WWTR1: variants seen among roughly 807,000 people sequenced by gnomAD.
WWTR1 encodes WW domain-containing transcription regulator protein 1.
WWTR1 carries 13 observed loss-of-function variants against 40.1 expected under a neutral mutation model. That is an observed-to-expected ratio of 0.32 (90% CI 0.21 to 0.52). The LOEUF (loss-of-function observed/expected upper bound fraction) is 0.52, where lower values mean the gene tolerates loss of function less well. WWTR1 is among the 20% of genes least tolerant of loss of function. The probability of loss-of-function intolerance (pLI) is 0.97; values close to 1 mark genes in which losing one functional copy is unlikely to be tolerated. For missense variants in WWTR1, 436 were observed against 523.1 expected (o/e 0.83, Z 1.63); for synonymous variants, 230 against 210.1 (o/e 1.09, Z -0.82).
chr3:149,567,717 A>G (rs1737397976), intron 3 of WWTR1, among the ~76,000 whole-genome samples: 1 of 152,240 alleles, frequency 6.6e-6, no homozygotes, highest in Non-Finnish European at 1.5e-5. Context: ...CAAGACATGG[A>G]CTACCTAAAT....
At chr3:149,603,738 G>A (rs1484183136) in intron 2 of WWTR1, among the ~76,000 whole-genome samples, 1 of 149,858 alleles carries the variant, frequency 6.7e-6, no homozygotes, top group Admixed American at 6.8e-5. Flanking sequence ...AGTTTTCTTT[G>A]TTCATGTCCT....
chr3:149,529,097 T>G (rs905207477), intron 4 of WWTR1, among the ~76,000 whole-genome samples: 3 of 152,226 alleles, frequency 2.0e-5, no homozygotes, highest in Non-Finnish European at 4.4e-5. Context: ...CAGAGAATAC[T>G]TTTGTATGTT....
chr3:149,637,462 C>T (rs781365344), intron 2 of WWTR1, among the ~76,000 whole-genome samples: 2 of 152,016 alleles, frequency 1.3e-5, no homozygotes, highest in Non-Finnish European at 2.9e-5. Flanking sequence ...AACTCCTAAC[C>T]TCAGGTAATC....
intron 3 of WWTR1, among the ~76,000 whole-genome samples, chr3:149,563,740 T>C (rs1737187336): frequency 6.6e-6 from 1 of 152,210 alleles, no homozygotes; most frequent in Non-Finnish European, 1.5e-5. Context: ...CACAATTCTT[T>C]TTTTGTTTTG....
At chr3:149,542,302 G>A in intron 4 of WWTR1, 33 bp downstream of exon 4, 1 of 1,600,228 alleles carries the variant, frequency 6.2e-7, no homozygotes, top group Non-Finnish European at 8.5e-7. Flanking sequence ...CCAAGGCCAG[G>A]GAGCCTCCAC....
chr3:149,624,929 C>T (rs1217346745), intron 2 of WWTR1, among the ~76,000 whole-genome samples: 1 of 151,418 alleles, frequency 6.6e-6, no homozygotes, highest in Non-Finnish European at 1.5e-5. Flanking sequence ...TGGGGTTTCA[C>T]CATGTTGGCC....
At chr3:149,531,636 C>T (rs959820316) in intron 4 of WWTR1, among the ~76,000 whole-genome samples, 15 of 152,104 alleles carry the variant, frequency 9.9e-5, no homozygotes, top group South Asian at 8.3e-4. Context: ...CCTCACTTAA[C>T]GCCTGCCTCC....
intron 3 of WWTR1, among the ~76,000 whole-genome samples, chr3:149,563,392 G>T (rs1225794867): frequency 6.6e-6 from 1 of 152,118 alleles, no homozygotes; most frequent in East Asian, 1.9e-4. Context: ...AAGCAGACTT[G>T]TACATTTACC....
At chr3:149,718,717 T>G (rs778805003) in intron 4 of WWTR1, among the ~76,000 whole-genome samples, 2 of 152,218 alleles carry the variant, frequency 1.3e-5, no homozygotes, top group Admixed American at 1.3e-4. Flanking sequence ...TTCATAAAAG[T>G]GGGATCATAT....
intron 2 of WWTR1, among the ~76,000 whole-genome samples, chr3:149,620,714 T>G (rs1265265303): frequency 6.6e-5 from 10 of 152,184 alleles, no homozygotes; most frequent in Non-Finnish European, 1.0e-4. Context: ...TTTATCTATC[T>G]AGGTCCTCAA....
At chr3:149,608,046 T>C (rs556666724) in intron 2 of WWTR1, among the ~76,000 whole-genome samples, 1 of 152,182 alleles carries the variant, frequency 6.6e-6, no homozygotes, top group Non-Finnish European at 1.5e-5. Context: ...TCAAGAACTA[T>C]TTGTTACATG....
intron 2 of WWTR1, chr3:149,650,106 C>CCAT: frequency 6.6e-6 from 1 of 152,138 alleles, no homozygotes; most frequent in East Asian, 1.9e-4. Flanking sequence ...GGTGTACTAC[C>CCAT]CATTTCTGGT....
chr3:149,665,993 T>A (rs1029591431), intron 2 of WWTR1, among the ~76,000 whole-genome samples: 9 of 152,204 alleles, frequency 5.9e-5, no homozygotes, highest in South Asian at 2.1e-4. Flanking sequence ...CATATTTTTT[T>A]AATATCCATT....
At chr3:149,645,032 T>C (rs757400963) in intron 2 of WWTR1, among the ~76,000 whole-genome samples, 1 of 152,116 alleles carries the variant, frequency 6.6e-6, no homozygotes, top group Non-Finnish European at 1.5e-5. Flanking sequence ...TTTGTATTTT[T>C]AGTAGATACG....
rs199621606 is a variant in WWTR1, at chr3:149,624,995, C to A, written c.431+31881G>T. Among the ~76,000 whole-genome samples the A allele has an allele frequency of 1.3e-4, 19 of 151,302 alleles. No homozygotes were observed. The East Asian group carries it at 3.7e-3, about 29-fold the overall frequency. Reference sequence around the variant, plus strand: ...ATCCACACACCTCAGCCTCCCAAAGCGCTGGGATTATATGTGTGAGCCACC... The same window carrying A: ...ATCCACACACCTCAGCCTCCCAAAGAGCTGGGATTATATGTGTGAGCCACC... On this transcript the variant is annotated intron_variant, in intron 2 of 6. Transcript: ENST00000360632.
chr3:149,661,468 C>T (rs1576629975), upstream of WWTR1: 1 of 151,478 alleles, frequency 6.6e-6, no homozygotes, highest in African/African-American at 2.4e-5. Context: ...GTTGCCCAGG[C>T]TAGAGTGCAA....
At chr3:149,658,953 G>A (rs1713431131), upstream of WWTR1, among the ~76,000 whole-genome samples, 1 of 152,186 alleles carries the variant, frequency 6.6e-6, no homozygotes. Context: ...GGGTGCGCCA[G>A]TGACCCGAAA....
intron 5 of WWTR1, among the ~76,000 whole-genome samples, chr3:149,715,458 C>G (rs1576650704): frequency 6.6e-6 from 1 of 152,254 alleles, no homozygotes; most frequent in Admixed American, 6.5e-5. Context: ...ACTGCCTGCC[C>G]CCTGGCAGCA....
chr3:149,688,147 A>G (rs1384772281), intron 1 of WWTR1, among the ~76,000 whole-genome samples: 2 of 151,990 alleles, frequency 1.3e-5, no homozygotes, highest in Admixed American at 1.3e-4. Context: ...AAAGTTCCCA[A>G]TTCCAGGTCC....
Sources: allele counts gnomAD v4.1 joint callset (sites outside exome capture counted in the v4.1 genomes callset), GRCh38; gene constraint gnomAD v4.1.1; transcripts MANE v1.5; gene names NCBI Gene and HGNC (gene_info 2026-07-23, HGNC 2026-07-21).